PLA2G10: variants seen among roughly 807,000 people sequenced by gnomAD.
PLA2G10 encodes phospholipase A2 group X.
In PLA2G10, 9 loss-of-function variants were observed where a neutral mutation model predicts 7.9. The ratio of observed to expected loss-of-function variants is 1.14; its 90% CI spans 0.68 to 1.98. PLA2G10 has a LOEUF of 1.98. Among genes scored for constraint, PLA2G10 ranks in the 30% most tolerant of loss-of-function variants. The pLI is 0.00. For synonymous variants in PLA2G10, 19 were observed against 27.5 expected (o/e 0.69, Z 0.97); for missense variants, 53 against 65.4 (o/e 0.81, Z 0.66).
At chr16:14,679,505 C>A (rs1280381483) in intron 3 of PLA2G10, among the ~76,000 whole-genome samples, 1 of 151,732 alleles carries the variant, frequency 6.6e-6, no homozygotes, top group Admixed American at 6.6e-5. Flanking sequence ...ACTAAAAATA[C>A]AAAAATTAGC....
chr16:14,684,715 A>C (rs1179239244), intron 3 of PLA2G10, among the ~76,000 whole-genome samples: 2 of 152,086 alleles, frequency 1.3e-5, no homozygotes, highest in African/African-American at 4.8e-5. Context: ...TCAGCTACTC[A>C]GGAGGCTGAG....
intron 3 of PLA2G10, among the ~76,000 whole-genome samples, chr16:14,673,016 C>CTT (rs1293093227): frequency 2.6e-4 from 34 of 128,568 alleles, no homozygotes; most frequent in South Asian, 5.0e-4. Flanking sequence ...TTTTTCTTTT[C>CTT]TTTTTTTTTT....
chr16:14,683,228 C>CA (rs1567504940), intron 3 of PLA2G10, among the ~76,000 whole-genome samples: 2 of 148,050 alleles, frequency 1.4e-5, no homozygotes, highest in South Asian at 4.3e-4. Context: ...CTTTTTCTTT[C>CA]TTTTTTTGTT....
chr16:14,686,260 G>A (rs1258180611), intron 3 of PLA2G10, among the ~76,000 whole-genome samples: 1 of 151,558 alleles, frequency 6.6e-6, no homozygotes, highest in Non-Finnish European at 1.5e-5. Flanking sequence ...TTACAGGAGT[G>A]AGCCACAGCG....
In PLA2G10 at chr16:14,693,284, C is replaced by T. The variant is rs1385589599; in HGVS notation, c.97+849G>A. 3.3e-4 allele frequency among the ~76,000 whole-genome samples: 6 copies of T among 18,300 alleles called. 1 individual carries two copies. The highest frequency in any genetic ancestry group is 1.2e-3 in the African/African-American group (6 of 4,994). The allele number at this position is 18,300 out of a possible 152,430, so 12.0% of individuals were successfully genotyped here. On this transcript the variant is annotated intron_variant, in intron 1 of 3. Transcript: ENST00000438167. ...CCATCCTGTGACCCCAGGGTCTATGCGCACATATGTGTGTCTGTGCTGCTC... is the reference window on the plus strand; with the variant it reads ...CCATCCTGTGACCCCAGGGTCTATGTGCACATATGTGTGTCTGTGCTGCTC...
At chr16:14,687,316 T>C (rs1961110791) in intron 3 of PLA2G10, among the ~76,000 whole-genome samples, 1 of 151,580 alleles carries the variant, frequency 6.6e-6, no homozygotes. Flanking sequence ...TAGAAGTGGT[T>C]GGTTAGGTAA....
intron 3 of PLA2G10, among the ~76,000 whole-genome samples, chr16:14,680,685 A>G (rs1277521631): frequency 4.6e-5 from 7 of 152,144 alleles, no homozygotes; most frequent in Non-Finnish European, 1.5e-5. Flanking sequence ...AAGTTCATCC[A>G]TGTTGTAGCA....
intron 3 of PLA2G10, among the ~76,000 whole-genome samples, chr16:14,682,311 G>A (rs893254665): frequency 3.3e-5 from 5 of 152,170 alleles, no homozygotes; most frequent in Admixed American, 6.6e-5. Context: ...GGCCGGGCGC[G>A]GTGGCTCGTG....
At chr16:14,677,853 A>G (rs62037488) in intron 3 of PLA2G10, among the ~76,000 whole-genome samples, 14 of 146,072 alleles carry the variant, frequency 9.6e-5, no homozygotes, top group Non-Finnish European at 2.1e-4. Context: ...ATGGATGGAT[A>G]GATGGATGGA....
Position 14,672,579 on chromosome 16 carries a change from T to C in PLA2G10, c.*28A>G. 3 of 1,611,860 alleles carry C rather than the reference T, an allele frequency of 1.9e-6. No homozygotes were observed. Among genetic ancestry groups the C allele is most frequent in the Non-Finnish European group, 2.5e-6 (3 of 1,178,400 alleles). On this transcript the variant is annotated 3_prime_UTR_variant, in exon 4 of 4. Transcript: ENST00000438167. Reference sequence around the variant, plus strand: ...ACTGAGAGGACGCTTTATTTCCTTGTGCAAAAGAGCATTTCAAGTCAAGGT... The same window carrying C: ...ACTGAGAGGACGCTTTATTTCCTTGCGCAAAAGAGCATTTCAAGTCAAGGT...
chr16:14,685,750 A>G (rs566721983), intron 3 of PLA2G10, among the ~76,000 whole-genome samples: 163 of 152,094 alleles, frequency 1.1e-3, no homozygotes, highest in African/African-American at 3.6e-3. Context: ...GCTGGAGTGC[A>G]ATGGTGCAGT....
intron 3 of PLA2G10, among the ~76,000 whole-genome samples, chr16:14,676,367 A>G (rs1433785621): frequency 6.6e-6 from 1 of 152,226 alleles, no homozygotes; most frequent in African/African-American, 2.4e-5. Flanking sequence ...CTAAGTGCCC[A>G]TCAACCAATG....
chr16:14,679,136 T>C (rs909502033), intron 3 of PLA2G10, among the ~76,000 whole-genome samples: 4 of 152,166 alleles, frequency 2.6e-5, no homozygotes, highest in Non-Finnish European at 4.4e-5. Context: ...CTTTTTGTTA[T>C]TGGGGCAAAA....
intron 3 of PLA2G10, among the ~76,000 whole-genome samples, chr16:14,687,191 A>G (rs776235070): frequency 2.6e-5 from 4 of 151,994 alleles, no homozygotes; most frequent in Non-Finnish European, 4.4e-5. Flanking sequence ...ATAAATAAAT[A>G]ATATAAAAAT....
chr16:14,680,135 G>A (rs1472946070), intron 3 of PLA2G10, among the ~76,000 whole-genome samples: 1 of 144,600 alleles, frequency 6.9e-6, no homozygotes, highest in East Asian at 2.0e-4. Context: ...GTCTCACTCA[G>A]TCGCCCAGGC....
At chr16:14,679,240 G>C (rs1017625854) in intron 3 of PLA2G10, among the ~76,000 whole-genome samples, 1 of 152,056 alleles carries the variant, frequency 6.6e-6, no homozygotes, top group Admixed American at 6.6e-5. Flanking sequence ...CTAAAACACT[G>C]TTATCACCCC....
chr16:14,687,578 T>C (rs755014857), intron 3 of PLA2G10, among the ~76,000 whole-genome samples: 2 of 152,070 alleles, frequency 1.3e-5, no homozygotes, highest in African/African-American at 4.8e-5. Context: ...ACCCCCAGCC[T>C]CTTTCTGATA....
chr16:14,678,645 C>T (rs969182719), intron 3 of PLA2G10: 19 of 335,812 alleles, frequency 5.7e-5, no homozygotes, highest in Non-Finnish European at 1.1e-4. Context: ...TGGCACATAC[C>T]TGTGATTCCA....
Position 14,674,631 on chromosome 16 carries a change from G to A in PLA2G10, c.356-1882C>T, listed in dbSNP as rs369577699. On this transcript the variant is annotated intron_variant, in intron 3 of 3. Transcript: ENST00000438167. ...CAGGAGAATCACTTAAACCTGGGGG[G>A]CAGAGGTTGCAGTGAGCTGAGATCA... 1.8e-4 allele frequency among the ~76,000 whole-genome samples: 28 copies of A among 152,102 alleles called. No homozygotes were observed. In the East Asian group the frequency reaches 4.1e-3, roughly 22 times the overall value.
Sources: gnomAD v4.1 joint callset for allele counts (sites outside exome capture counted in the v4.1 genomes callset) on GRCh38, gnomAD v4.1.1 for gene constraint, MANE v1.5 for transcripts, NCBI Gene and HGNC (gene_info 2026-07-23, HGNC 2026-07-21) for gene names.